The following PTK2 variants were observed in gnomAD, a reference collection of about 807,000 sequenced individuals.
The protein encoded by PTK2 is protein tyrosine kinase 2.
PTK2 carries 45 observed loss-of-function variants against 150.1 expected under a neutral mutation model. That is an observed-to-expected ratio of 0.30 (90% confidence interval 0.24 to 0.38). The LOEUF is 0.38. Ranked by LOEUF, PTK2 falls within the 10% of genes least tolerant of loss-of-function variation. The probability of loss-of-function intolerance (pLI) is 1.00; values close to 1 mark genes in which losing one functional copy is unlikely to be tolerated. For synonymous variants in PTK2, 432 were observed against 449.2 expected (o/e 0.96, Z 0.48); for missense variants, 919 against 1,307.3 (o/e 0.70, Z 4.58).
chr8:140,875,600 A>G (rs1381947062), intron 4 of PTK2, among the ~76,000 whole-genome samples: 1 of 152,178 alleles, frequency 6.6e-6, no homozygotes, highest in Non-Finnish European at 1.5e-5. Flanking sequence ...ATATAATTGG[A>G]TGGCTTACAT....
At chr8:140,658,384 G>C (rs2075236761) in exon 32 of PTK2, 1 of 179,926 alleles carries the variant, frequency 5.6e-6, no homozygotes, top group Admixed American at 6.3e-5. Context: ...CCAAAAGAAA[G>C]GATATTACAA....
At chr8:140,812,848 A>C (rs1596653529) in intron 10 of PTK2, among the ~76,000 whole-genome samples, 1 of 152,256 alleles carries the variant, frequency 6.6e-6, no homozygotes, top group African/African-American at 2.4e-5. Context: ...TAAATATATA[A>C]AAAAACCAAA....
Position 140,820,084 on chromosome 8 carries a change from T to G in PTK2, c.649-1064A>C, listed in dbSNP as rs866331538. 1.7e-4 allele frequency among the ~76,000 whole-genome samples: 8 copies of G among 45,886 alleles called. No homozygotes were observed. In the South Asian group the frequency reaches 2.4e-3, roughly 14 times the overall value. The allele number at this position is 45,886 out of a possible 152,430, so 30.1% of individuals were successfully genotyped here. On this transcript the variant is annotated intron_variant, in intron 8 of 31. Coordinates refer to ENST00000522684, the Ensembl canonical transcript of PTK2. ...GACTTTATCTGACTTTGGTTTTTTT[T>G]TTTTTTTTTTTTTTTTTTTTTTTTT...
intron 1 of PTK2, among the ~76,000 whole-genome samples, chr8:140,983,444 G>A (rs749239576): frequency 6.7e-6 from 1 of 149,624 alleles, no homozygotes; most frequent in Non-Finnish European, 1.5e-5. Context: ...AAACTGAAAC[G>A]ATATTCACCT....
intron 1 of PTK2, among the ~76,000 whole-genome samples, chr8:140,972,691 A>G (rs2100187757): frequency 6.6e-6 from 1 of 152,200 alleles, no homozygotes; most frequent in Non-Finnish European, 1.5e-5. Context: ...TAAAATATTC[A>G]CTATCTGCCC....
At chr8:140,823,562 A>G (rs1272089502) in intron 8 of PTK2, among the ~76,000 whole-genome samples, 1 of 152,068 alleles carries the variant, frequency 6.6e-6, no homozygotes, top group Non-Finnish European at 1.5e-5. Flanking sequence ...CACTAAGAGC[A>G]CTGAGATTTC....
chr8:141,001,812 C>T (rs1200656785), upstream of PTK2, among the ~76,000 whole-genome samples: 1 of 152,208 alleles, frequency 6.6e-6, no homozygotes, highest in Non-Finnish European at 1.5e-5. Flanking sequence ...ACGAGCGGTT[C>T]CTGGGCCCTT....
intron 27 of PTK2, among the ~76,000 whole-genome samples, chr8:140,681,881 A>AT (rs1471613581): frequency 2.0e-5 from 3 of 152,310 alleles, no homozygotes; most frequent in East Asian, 3.9e-4. Context: ...GAGGTTGCAA[A>AT]TTTTTTGGTG....
intron 7 of PTK2, 49 bp from the exon 8 acceptor site, chr8:140,830,575 T>A: frequency 1.9e-6 from 2 of 1,080,456 alleles, no homozygotes; most frequent in South Asian, 1.6e-5. Context: ...CCAAATCAAT[T>A]AATATGACAA....
At chr8:140,815,725 T>C (rs2100104323) in intron 10 of PTK2, among the ~76,000 whole-genome samples, 1 of 152,120 alleles carries the variant, frequency 6.6e-6, no homozygotes, top group Admixed American at 6.5e-5. Flanking sequence ...TAAAAGAATA[T>C]TGTATATTAT....
chr8:140,664,262 G>A (rs1175917542), intron 31 of PTK2, among the ~76,000 whole-genome samples: 4 of 152,194 alleles, frequency 2.6e-5, no homozygotes, highest in Non-Finnish European at 4.4e-5. Flanking sequence ...GATTACAGGC[G>A]TGAGCCACTG....
intron 1 of PTK2, among the ~76,000 whole-genome samples, chr8:140,946,374 G>A (rs551525545): frequency 6.6e-6 from 1 of 152,196 alleles, no homozygotes; most frequent in Admixed American, 6.5e-5. Flanking sequence ...AACTGTTCTA[G>A]AACTACACGA....
At chr8:140,989,321 G>C (rs1474432303) in intron 1 of PTK2, among the ~76,000 whole-genome samples, 1 of 150,060 alleles carries the variant, frequency 6.7e-6, no homozygotes, top group African/African-American at 2.5e-5. Context: ...TTGAGCCCAA[G>C]AGTAGGAGGC....
chr8:140,750,145 T>C (rs2154514550), intron 17 of PTK2: 1 of 152,304 alleles, frequency 6.6e-6, no homozygotes, highest in East Asian at 1.9e-4. Flanking sequence ...AGTCAAAGTT[T>C]CAGGAATAGG....
At chr8:140,670,921 A>G (rs1316373481) in intron 29 of PTK2, among the ~76,000 whole-genome samples, 1 of 152,162 alleles carries the variant, frequency 6.6e-6, no homozygotes, top group Non-Finnish European at 1.5e-5. Context: ...CCCTTTGCCC[A>G]ATTATTGTGG....
chr8:140,742,079 T>C (rs2100056042), intron 20 of PTK2, among the ~76,000 whole-genome samples: 1 of 152,208 alleles, frequency 6.6e-6, no homozygotes, highest in Non-Finnish European at 1.5e-5. Flanking sequence ...GAGACTGTAA[T>C]GAGCCATGTT....
intron 1 of PTK2, among the ~76,000 whole-genome samples, chr8:140,938,688 C>T (rs2100174582): frequency 1.3e-5 from 2 of 152,304 alleles, no homozygotes; most frequent in South Asian, 2.1e-4. Flanking sequence ...GAAACAACTC[C>T]GCACCACCCC....
At chr8:140,783,131 C>G (rs1477038044) in intron 14 of PTK2, among the ~76,000 whole-genome samples, 1 of 152,032 alleles carries the variant, frequency 6.6e-6, no homozygotes, top group Non-Finnish European at 1.5e-5. Context: ...GTCCCAGCTA[C>G]TTGGGAAGCT....
chr8:140,710,976 C>T (rs114392776), intron 23 of PTK2, among the ~76,000 whole-genome samples: 12 of 152,200 alleles, frequency 7.9e-5, no homozygotes, highest in African/African-American at 2.2e-4. Context: ...CACGCTCTGT[C>T]GCCTAGGCTG....
Sources: allele counts gnomAD v4.1 joint callset (sites outside exome capture counted in the v4.1 genomes callset), GRCh38; gene constraint gnomAD v4.1.1; transcripts MANE v1.5; gene names NCBI Gene and HGNC (gene_info 2026-07-23, HGNC 2026-07-21).